The following GRIN2A variants were observed in gnomAD, a reference collection of about 807,000 sequenced individuals.
GRIN2A encodes the protein glutamate ionotropic receptor NMDA type subunit 2A.
Under a neutral mutation model 113.4 loss-of-function variants are expected in GRIN2A, and 22 were observed. The observed-to-expected ratio is 0.19, with a 90% CI of 0.14 to 0.28. GRIN2A has a LOEUF of 0.28. Among genes scored for constraint, GRIN2A ranks in the 10% least tolerant of loss-of-function variants. GRIN2A has a pLI of 1.00. For missense variants in GRIN2A, 1,502 were observed against 1,887.0 expected, an observed-to-expected ratio of 0.80 and a Z score of 3.78; for synonymous variants, 827 against 738.4, an observed-to-expected ratio of 1.12 and a Z score of -1.94.
intron 2 of GRIN2A, among the ~76,000 whole-genome samples, chr16:9,950,116 G>T (rs1008507083): frequency 6.6e-6 from 1 of 152,118 alleles, no homozygotes; most frequent in Non-Finnish European, 1.5e-5. Flanking sequence ...ACAGATTCAG[G>T]CAAAGTGGAT....
At chr16:10,006,564 C>A (rs932327248) in intron 2 of GRIN2A, among the ~76,000 whole-genome samples, 1 of 152,102 alleles carries the variant, frequency 6.6e-6, no homozygotes, top group African/African-American at 2.4e-5. Flanking sequence ...GCATTTAATG[C>A]ATAATAATCG....
chr16:10,174,316 T>C (rs1020534356), intron 2 of GRIN2A, among the ~76,000 whole-genome samples: 1 of 152,118 alleles, frequency 6.6e-6, no homozygotes, highest in Non-Finnish European at 1.5e-5. Flanking sequence ...ACAGGCCACG[T>C]AGAATGGGAA....
intron 3 of GRIN2A, among the ~76,000 whole-genome samples, chr16:9,911,022 A>T (rs1264619479): frequency 6.6e-6 from 1 of 152,044 alleles, no homozygotes; most frequent in East Asian, 1.9e-4. Context: ...CTTTAACTAA[A>T]AAAAAAAAAT....
At chr16:9,776,269 A>G (rs945287403) in intron 11 of GRIN2A, among the ~76,000 whole-genome samples, 1 of 143,280 alleles carries the variant, frequency 7.0e-6, no homozygotes, top group African/African-American at 2.6e-5. Flanking sequence ...CTCTACCATA[A>G]CATCCTGGAT....
intron 2 of GRIN2A, among the ~76,000 whole-genome samples, chr16:10,064,733 A>G (rs978794763): frequency 6.6e-6 from 1 of 152,092 alleles, no homozygotes; most frequent in Non-Finnish European, 1.5e-5. Context: ...CTATTCTCTG[A>G]CTCTTACTTG....
At chr16:9,917,623 T>C (rs1311120938) in intron 3 of GRIN2A, among the ~76,000 whole-genome samples, 1 of 152,240 alleles carries the variant, frequency 6.6e-6, no homozygotes, top group Non-Finnish European at 1.5e-5. Context: ...GATCTTATAA[T>C]AGCTAGACTC....
At chr16:9,979,876 T>C (rs1211381619) in intron 2 of GRIN2A, among the ~76,000 whole-genome samples, 1 of 130,838 alleles carries the variant, frequency 7.6e-6, no homozygotes, top group Non-Finnish European at 1.7e-5. Context: ...TGTGTGTGTG[T>C]ATGAGATAAA....
intron 2 of GRIN2A, among the ~76,000 whole-genome samples, chr16:10,086,770 A>T (rs1381607729): frequency 6.6e-6 from 1 of 152,164 alleles, no homozygotes; most frequent in East Asian, 1.9e-4. Context: ...CTCGGGGAAG[A>T]GCAAGCCGCA....
intron 2 of GRIN2A, among the ~76,000 whole-genome samples, chr16:9,999,405 T>C (rs1307506957): frequency 6.6e-6 from 1 of 152,204 alleles, no homozygotes; most frequent in Non-Finnish European, 1.5e-5. Flanking sequence ...TGGAATACTA[T>C]GCAGCCATAA....
At chr16:9,827,958 G>A in intron 9 of GRIN2A, among the ~76,000 whole-genome samples, 1 of 152,174 alleles carries the variant, frequency 6.6e-6, no homozygotes, top group Middle Eastern at 3.4e-3. Context: ...TTTCTTCCTT[G>A]ATGTTTACTT....
intron 2 of GRIN2A, among the ~76,000 whole-genome samples, chr16:10,011,868 A>G (rs1353987709): frequency 1.3e-5 from 2 of 152,128 alleles, no homozygotes; most frequent in East Asian, 3.9e-4. Flanking sequence ...TAAGTACTTA[A>G]TCACATGCTA....
chr16:10,096,559 C>CACACACACAT (rs1555478925), intron 2 of GRIN2A, among the ~76,000 whole-genome samples: 2 of 151,580 alleles, frequency 1.3e-5, no homozygotes, highest in South Asian at 4.2e-4. Flanking sequence ...CACACACACA[C>CACACACACAT]ACACACACAC....
chr16:10,036,434 T>C (rs1156591155), intron 2 of GRIN2A, among the ~76,000 whole-genome samples: 1 of 142,296 alleles, frequency 7.0e-6, no homozygotes, highest in African/African-American at 2.6e-5. Context: ...ATATTAGTAC[T>C]TACTTTTTTT....
At chr16:9,986,737 C>A (rs1210627077) in intron 2 of GRIN2A, among the ~76,000 whole-genome samples, 2 of 141,890 alleles carry the variant, frequency 1.4e-5, no homozygotes, top group Non-Finnish European at 3.0e-5. Context: ...TGCACTCCAA[C>A]CCAGGCAACA....
chr16:10,146,337 C>T (rs1434752144), intron 2 of GRIN2A, among the ~76,000 whole-genome samples: 1 of 152,140 alleles, frequency 6.6e-6, no homozygotes, highest in African/African-American at 2.4e-5. Context: ...AGGCTGGTCT[C>T]AAACTCCTGA....
intron 2 of GRIN2A, among the ~76,000 whole-genome samples, chr16:10,048,868 G>T (rs2141979415): frequency 6.6e-6 from 1 of 152,274 alleles, no homozygotes; most frequent in Non-Finnish European, 1.5e-5. Flanking sequence ...CTACATGGCA[G>T]CTGGGATCAG....
At chr16:9,823,023 G>C (rs1330628392) in intron 9 of GRIN2A, among the ~76,000 whole-genome samples, 1 of 152,190 alleles carries the variant, frequency 6.6e-6, no homozygotes, top group Non-Finnish European at 1.5e-5. Context: ...ATAATTGCCA[G>C]TGCATGGCAG....
At chr16:9,870,024 T>G (rs2043229118) in intron 4 of GRIN2A, among the ~76,000 whole-genome samples, 1 of 152,228 alleles carries the variant, frequency 6.6e-6, no homozygotes, top group Non-Finnish European at 1.5e-5. Context: ...GAAATGTATT[T>G]GGATTTTTTT....
chr16:9,970,446 T>C (rs1028361219), intron 2 of GRIN2A, among the ~76,000 whole-genome samples: 2 of 152,200 alleles, frequency 1.3e-5, no homozygotes, highest in African/African-American at 4.8e-5. Context: ...GCTCAGTTTA[T>C]ATTTTAAAAC....
Sources: gnomAD v4.1 joint callset for allele counts (sites outside exome capture counted in the v4.1 genomes callset) on GRCh38, gnomAD v4.1.1 for gene constraint, MANE v1.5 for transcripts, NCBI Gene and HGNC (gene_info 2026-07-23, HGNC 2026-07-21) for gene names.